HECTD3: variants seen among roughly 807,000 people sequenced by gnomAD.
HECTD3 encodes the protein HECT domain E3 ubiquitin protein ligase 3, also known as E3 ubiquitin-protein ligase HECTD3.
Under a neutral mutation model 109.3 loss-of-function variants are expected in HECTD3, and 72 were observed. The observed-to-expected ratio is 0.66, with a 90% CI of 0.54 to 0.80. The LOEUF is 0.80. Ranked by LOEUF, HECTD3 falls within the 30% of genes least tolerant of loss-of-function variation. HECTD3 has a pLI of 0.00. For missense variants in HECTD3, 1,041 were observed against 1,165.2 expected (o/e 0.89, Z 1.55); for synonymous variants, 481 against 471.8 (o/e 1.02, Z -0.25).
intron 17 of HECTD3, 57 bp from the exon 18 acceptor site, chr1:45,004,191 C>A: frequency 6.2e-7 from 1 of 1,614,084 alleles, no homozygotes; most frequent in Non-Finnish European, 8.5e-7. Context: ...AGTCCTTGAG[C>A]CCCAACCCCT....
chr1:45,008,256 G>T lies in HECTD3; in HGVS notation c.1304C>A (p.Thr435Asn), dbSNP rs774208873. 2.5e-6 allele frequency: 4 copies of T among 1,613,966 alleles called. No homozygotes were observed. In the Admixed American group the frequency reaches 6.7e-5, roughly 27 times the overall value. ...LVPAWDHTLG[T>N]FSEIKQVKQF... ...TCGGCTCACCTTAATCTCACTGAAG[G>T]TGCCCAGTGTGTGGTCCCAGGCAGG... Residue 435 changes from threonine (T) to asparagine (N), a missense_variant, in exon 9 of 21, where the codon ACC becomes AAC. Physicochemically the swap from Thr to Asn is moderately conservative, Grantham distance 65. This residue lies in a region of HECTD3 where 569 missense variants were observed against 715.3 expected (regional missense o/e 0.80). Transcript: ENST00000372172.
chr1:45,003,971 G>A lies in HECTD3; in HGVS notation c.2348-35C>T. The A allele has an allele frequency of 1.2e-6, 2 of 1,612,656 alleles. No homozygotes were observed. Among genetic ancestry groups the A allele is most frequent in the Non-Finnish European group, 1.7e-6 (2 of 1,178,874 alleles). On this transcript the variant is annotated intron_variant, in intron 18 of 20. Coordinates refer to ENST00000372172, the MANE Select transcript of HECTD3 (RefSeq NM_024602.6). The surrounding 1 kb of genome is among the most constrained non-coding windows in gnomAD (Gnocchi z 4.7). ...GAAGGAAATCAGTGCCTGCATGGAT[G>A]GTGAGGGAGGGTCTACAACTTCTAC...
chr1:45,004,811 G>C lies in HECTD3; in HGVS notation c.1936-5C>G. Reference sequence around the variant, plus strand: ...CATCACTTCCAGGAGCTTCACCTAGGGGTTGGAGAGAGGCAGGGAGGTAAC... The same window carrying C: ...CATCACTTCCAGGAGCTTCACCTAGCGGTTGGAGAGAGGCAGGGAGGTAAC... On this transcript the variant is annotated splice_polypyrimidine_tract_variant and splice_region_variant and intron_variant, in intron 15 of 20. Coordinates refer to ENST00000372172, the MANE Select transcript of HECTD3 (RefSeq NM_024602.6). 1 of 1,613,742 alleles carries C rather than the reference G, an allele frequency of 6.2e-7. No homozygotes were observed. Among genetic ancestry groups the C allele is most frequent in the South Asian group, 1.1e-5 (1 of 91,082 alleles).
At position 45,010,646 on chromosome 1, in the gene HECTD3, G is replaced by T; in HGVS notation, c.430C>A (p.Arg144Ser). The change falls in exon 2 of 21, where the codon CGC becomes AGC. Residue 144 changes from arginine (R) to serine (S), a missense_variant. Physicochemically the swap from Arg to Ser is moderately radical, Grantham distance 110. Coordinates refer to ENST00000372172, the MANE Select transcript of HECTD3 (RefSeq NM_024602.6). ...GLQEGWLLVC[R>S]PAEGGARLVP... ...AGGCGGGCTCCGCCCTCCGCCGGGC[G>T]GCACACCAGCAGCCAGCCTTCCTGC... 6.2e-7 allele frequency: 1 copy of T among 1,602,916 alleles called. No homozygotes were observed. The highest frequency in any genetic ancestry group is 8.5e-7 in the Non-Finnish European group (1 of 1,177,042).
chr1:45,004,721 A>C lies in HECTD3; in HGVS notation c.2021T>G (p.Leu674Arg). The change falls in exon 16 of 21, where the codon CTG becomes CGG. Residue 674 changes from leucine to arginine, a missense_variant. Physicochemically the swap from Leu to Arg is moderately radical, Grantham distance 102. Around this residue, in one of 2 missense-constraint regions of HECTD3, gnomAD observed 569 missense variants for 715.3 expected, o/e 0.80. Transcript: ENST00000372172. The part of the protein sequence containing the change: ...FGKELTFTTV[L>R]SDQQVVELIP... The stretch of plus-strand genomic sequence containing the variant: ...CAGCTCCACCACCTGTTGGTCACTC[A>C]GTACAGTGGTGAATGTTAGTTCCTT... 1 of 1,614,182 alleles carries C rather than the reference A, an allele frequency of 6.2e-7. No homozygotes were observed. Among genetic ancestry groups the C allele is most frequent in the Non-Finnish European group, 8.5e-7 (1 of 1,179,994 alleles).
In HECTD3 at chr1:45,007,007, A is replaced by G. The variant is rs1644741483; in HGVS notation, c.1565T>C (p.Met522Thr). The G allele has an allele frequency of 1.9e-6, 3 of 1,614,036 alleles. No individual in the cohort carries two copies. Among genetic ancestry groups the G allele is most frequent in the East Asian group, 4.5e-5 (2 of 44,874 alleles). Residue 522 changes from methionine to threonine, a missense_variant, in exon 12 of 21, where the codon ATG (methionine) becomes ACG (threonine). This residue lies in a region of HECTD3 where 569 missense variants were observed against 715.3 expected (regional missense o/e 0.80). Transcript: ENST00000372172. ...ACACTCCCACCACTGGTCATAGCGCATGGGCCACCTGCAAAAAACGTGGGC... is the reference window on the plus strand; with the variant it reads ...ACACTCCCACCACTGGTCATAGCGCGTGGGCCACCTGCAAAAAACGTGGGC... Reference protein sequence around the residue: ...YEKPLDYRWPMRYDQWWECKF... With the variant: ...YEKPLDYRWPTRYDQWWECKF...
In HECTD3 at chr1:45,005,902, C is replaced by T. The variant is rs747241825; in HGVS notation, c.1846-19G>A. The T allele has an allele frequency of 3.1e-5, 50 of 1,604,282 alleles. No homozygotes were observed. The South Asian group carries it at 5.6e-4, about 18-fold the overall frequency. ...CCAGGACCTGTGTGACAAACACTCC[C>T]CACTGTCTTCTCACCCTGAGCTGCC... On this transcript the variant is annotated intron_variant, in intron 14 of 20. Transcript: ENST00000372172.
rs910140954 is a variant in HECTD3 at position 45,009,047 on chromosome 1, C to G, written c.1072+97G>C. The G allele has an allele frequency of 1.1e-5, 11 of 1,032,232 alleles. No homozygotes were observed. The African/African-American group carries it at 1.7e-4, about 16-fold the overall frequency. The allele number at this position is 1,032,232 out of a possible 1,614,324, so 63.9% of individuals were successfully genotyped here. On this transcript the variant is annotated intron_variant, in intron 7 of 20. Transcript: ENST00000372172. ...AGTTAGTTCAGCATCGCCTTCACCCCAACTCCAAGCCCATCCTCTTCTCTC... is the reference window on the plus strand; with the variant it reads ...AGTTAGTTCAGCATCGCCTTCACCCGAACTCCAAGCCCATCCTCTTCTCTC...
chr1:45,004,159 A>G, intron 17 of HECTD3, 25 bp from the exon 18 acceptor site: 1 of 1,614,142 alleles, frequency 6.2e-7, no homozygotes, highest in Non-Finnish European at 8.5e-7. Flanking sequence ...GCCAGCATTC[A>G]TTCTTGGGTC....
chr1:45,011,046 A>T lies in HECTD3; in HGVS notation c.212T>A (p.Leu71Gln). 1 of 1,437,900 alleles carries T rather than the reference A, an allele frequency of 7.0e-7. No individual in the cohort carries two copies. Among genetic ancestry groups the T allele is most frequent in the Non-Finnish European group, 9.1e-7 (1 of 1,101,198 alleles). The allele number at this position is 1,437,900 out of a possible 1,614,324, so 89.1% of individuals were successfully genotyped here. A position where few individuals can be genotyped will look rare whatever the true frequency, so the allele number is the denominator to read the frequency against. ...GCCTGCGGCGCCCACACGCAGCCCCAGGCCCTCTGCCTCCCACACCGGCAG... is the reference window on the plus strand; with the variant it reads ...GCCTGCGGCGCCCACACGCAGCCCCTGGCCCTCTGCCTCCCACACCGGCAG... ...VLLPVWEAEGLGLRVGAAGPA... is the reference protein window; with the variant it reads ...VLLPVWEAEGQGLRVGAAGPA... Residue 71 changes from leucine (L) to glutamine (Q), a missense_variant, in exon 1 of 21, where the codon CTG becomes CAG. Physicochemically the swap from Leu to Gln is moderately radical, Grantham distance 113. Transcript: ENST00000372172.
At chr1:45,005,331 G>A (rs1644726034) in intron 15 of HECTD3, 1 of 205,306 alleles carries the variant, frequency 4.9e-6, no homozygotes, top group South Asian at 9.5e-5. Context: ...TAGCTAAGGA[G>A]GAAAGGTGTC....
chr1:45,008,446 C>T (rs1644755344), intron 8 of HECTD3, 90 bp downstream of exon 8: 1 of 1,514,536 alleles, frequency 6.6e-7, no homozygotes, highest in Admixed American at 1.7e-5. Context: ...ACAGCTTATA[C>T]TATGAGACCT....
chr1:45,003,258 G>A lies in HECTD3; in HGVS notation c.*234C>T. 2 of 554,464 alleles carry A rather than the reference G, an allele frequency of 3.6e-6. No individual in the cohort carries two copies. Among genetic ancestry groups the A allele is most frequent in the African/African-American group, 1.9e-5 (1 of 53,092 alleles). The allele number at this position is 554,464 out of a possible 1,614,324, so 34.3% of individuals were successfully genotyped here. The stretch of plus-strand genomic sequence containing the variant: ...TGTGGAAGATTCCCTCTTAAGAGGT[G>A]AAATACCTCGGGAAGCAAGCCCCAG... On this transcript the variant is annotated 3_prime_UTR_variant, in exon 21 of 21. Transcript: ENST00000372172. The surrounding 1 kb of genome is among the most constrained non-coding windows in gnomAD (Gnocchi z 4.7).
chr1:45,009,853 TG>T (rs1392067453), intron 4 of HECTD3, 132 bp downstream of exon 4: 2 of 1,216,742 alleles, frequency 1.6e-6, no homozygotes, highest in Non-Finnish European at 2.3e-6. Flanking sequence ...ACGTCCAAGA[TG>T]GGGAGCTGAA....
At position 45,010,655 on chromosome 1, in the gene HECTD3, G is replaced by T; in HGVS notation, c.421C>A (p.Leu141Met). The T allele has an allele frequency of 6.3e-7, 1 of 1,596,882 alleles. No individual in the cohort carries two copies. ...CCGCCCTCCGCCGGGCGGCACACCA[G>T]CAGCCAGCCTTCCTGCAGCCCGCAG... ...GDCGLQEGWL[L>M]VCRPAEGGAR... is the part of the protein sequence containing the mutation. The change falls in exon 2 of 21, where the codon CTG becomes ATG. Residue 141 changes from leucine (L) to methionine (M), a missense_variant. Around this residue, in one of 2 missense-constraint regions of HECTD3, gnomAD observed 472 missense variants for 449.9 expected, o/e 1.05. Transcript: ENST00000372172.
In HECTD3 at chr1:45,008,684, G is replaced by T; in HGVS notation, c.1090C>A (p.Arg364Ser). 6.2e-7 allele frequency: 1 copy of T among 1,613,468 alleles called. No individual in the cohort carries two copies. The highest frequency in any genetic ancestry group is 8.5e-7 in the Non-Finnish European group (1 of 1,179,832). Residue 364 changes from arginine to serine, a missense_variant, in exon 8 of 21, where the codon CGT (arginine) becomes AGT (serine). Physicochemically the swap from Arg to Ser is moderately radical, Grantham distance 110 (BLOSUM62 -1). Coordinates refer to ENST00000372172, the MANE Select transcript of HECTD3 (RefSeq NM_024602.6). ...VECRDDGIDV[R>S]LRGVKIKSSR... is the part of the protein sequence containing the mutation. ...GACTTGATCTTGACCCCTCGGAGACGAACATCAATCCCATCATCTGGGGGA... is the reference window on the plus strand; with the variant it reads ...GACTTGATCTTGACCCCTCGGAGACTAACATCAATCCCATCATCTGGGGGA...
In HECTD3 at chr1:45,009,360, C is replaced by T. The variant is rs772048197; in HGVS notation, c.989+9G>A. 12 of 1,599,644 alleles carry T rather than the reference C, an allele frequency of 7.5e-6. No homozygotes were observed. Among genetic ancestry groups the T allele is most frequent in the South Asian group, 5.5e-5 (5 of 90,606 alleles). The stretch of plus-strand genomic sequence containing the variant: ...TGCCCTACTTCCCTCCCCAGGCCAG[C>T]GTGCTCACTCGTCAATGCTCACGTC... On this transcript the variant is annotated intron_variant, in intron 6 of 20. Transcript: ENST00000372172.
At position 45,007,155 on chromosome 1, in the gene HECTD3, TGTTTGTG is replaced by T. The variant is rs1179529375; in HGVS notation, c.1556+57_1556+63del. ...GTGTGTGTGTGTGTGTGTGTGTGTG[TGTTTGTG>T]TGTGTTTGTGTGCACAAACAGGTGT... On this transcript the variant is annotated intron_variant, in intron 11 of 20. Coordinates refer to ENST00000372172, the MANE Select transcript of HECTD3 (RefSeq NM_024602.6). 1,051 of 1,399,326 alleles carry T rather than the reference TGTTTGTG, an allele frequency of 7.5e-4. 4 individuals are homozygous for T. The African/African-American group carries it at 0.02, about 26-fold the overall frequency. The allele number at this position is 1,399,326 out of a possible 1,614,324, so 86.7% of individuals were successfully genotyped here.
intron 4 of HECTD3, 39 bp from the exon 5 acceptor site, chr1:45,009,722 C>A: frequency 2.0e-6 from 3 of 1,484,054 alleles, no homozygotes; most frequent in Non-Finnish European, 2.8e-6. Flanking sequence ...CAGTTACCCT[C>A]CCTCCCTGCA....
Sources: gnomAD v4.1 joint callset for allele counts on GRCh38, gnomAD v4.1.1 for gene constraint, gnomAD v4.1.1 regional missense constraint, Gnocchi (gnomAD v3.1) non-coding constraint, MANE v1.5 for transcripts, NCBI Gene and HGNC (gene_info 2026-07-23, HGNC 2026-07-21) for gene names.